HEATR5A: variants seen among roughly 807,000 people sequenced by gnomAD.
HEATR5A encodes HEAT repeat-containing protein 5A.
A neutral mutation model predicts 218.8 loss-of-function variants in HEATR5A; 178 were observed. The ratio of observed to expected loss-of-function variants is 0.81; its 90% CI spans 0.72 to 0.92. HEATR5A has a LOEUF of 0.92. HEATR5A is among the 40% of genes least tolerant of loss of function. The pLI, the probability that HEATR5A is intolerant of heterozygous loss-of-function variation, is 0.00. For synonymous variants in HEATR5A, 864 were observed against 871.6 expected (o/e 0.99, Z 0.15); for missense variants, 2,420 against 2,418.9 (o/e 1.00, Z -0.01).
At chr14:31,315,032 G>C (rs533087314) in intron 27 of HEATR5A, among the ~76,000 whole-genome samples, 6 of 152,188 alleles carry the variant, frequency 3.9e-5, no homozygotes, top group African/African-American at 1.4e-4. Context: ...ACTTAGCTGG[G>C]CGTGGTGATG....
In HEATR5A at chr14:31,302,851, C is replaced by T. The variant is rs932352197; in HGVS notation, c.5240-332G>A. ...TAAAATATATACAACATAAAGTTTA[C>T]CATTTTAACCATTTTTAGTGTACAG... On this transcript the variant is annotated intron_variant, in intron 32 of 35. Coordinates refer to ENST00000543095, the MANE Select transcript of HEATR5A (RefSeq NM_015473.4). The T allele has an allele frequency of 3.8e-5, 9 of 236,634 alleles. No individual in the cohort carries two copies. The South Asian group carries it at 5.1e-4, about 14-fold the overall frequency. 14.7% of individuals were successfully genotyped at this position (236,634 alleles called of 1,614,324 possible). A position where few individuals can be genotyped will look rare whatever the true frequency, so the allele number is the denominator to read the frequency against.
chr14:31,341,759 TTTAA>T (rs1470110508), intron 21 of HEATR5A, among the ~76,000 whole-genome samples: 13 of 152,208 alleles, frequency 8.5e-5, no homozygotes, highest in Admixed American at 6.5e-4. Flanking sequence ...CTCAATAAAC[TTTAA>T]TTAATAAAAA....
At chr14:31,381,020 G>C (rs139815415) in intron 10 of HEATR5A, among the ~76,000 whole-genome samples, 1 of 152,110 alleles carries the variant, frequency 6.6e-6, no homozygotes, top group East Asian at 1.9e-4. Flanking sequence ...AGGCTGAGGC[G>C]GGTGGATCAC....
In HEATR5A at chr14:31,323,797, T is replaced by C. The variant is rs1900179825; in HGVS notation, c.3555A>G (p.Thr1185=). The stretch of plus-strand genomic sequence containing the variant: ...GCATTGTATCCACACAAGTTACAGC[T>C]GTAAAATCTTTTATTAAAGGAGAAC... The part of the protein sequence containing the change: ...KDVLAASADF[T]AVTCVDTMQE... Residue 1185 remains threonine, a synonymous_variant, in exon 24 of 36, where the codon ACA becomes ACG. Transcript: ENST00000543095. 1 of 1,581,538 alleles carries C rather than the reference T, an allele frequency of 6.3e-7. No individual in the cohort carries two copies.
chr14:31,321,355 G>C (rs112853950), intron 25 of HEATR5A, 144 bp downstream of exon 25: 4 of 519,900 alleles, frequency 7.7e-6, no homozygotes, highest in Admixed American at 7.5e-5. Flanking sequence ...CATGCTGCCC[G>C]GTCTTGAACT....
rs571122965 is a variant in HEATR5A, at chr14:31,417,891, T to C, written c.-75+2581A>G. Among the ~76,000 whole-genome samples, 8 of 152,212 alleles carry C rather than the reference T, an allele frequency of 5.3e-5. No individual in the cohort carries two copies. The East Asian group carries it at 1.2e-3, about 22-fold the overall frequency. On this transcript the variant is annotated intron_variant, in intron 1 of 35. Coordinates refer to ENST00000543095, the MANE Select transcript of HEATR5A (RefSeq NM_015473.4). ...TGAGTCCTACAATTACCTGACATTA[T>C]AATGAAAAACCAAGATTAATAAGTA...
In HEATR5A at chr14:31,314,552, G is replaced by A. The variant is rs755603527; in HGVS notation, c.4218+1218C>T. On this transcript the variant is annotated intron_variant, in intron 27 of 35. Coordinates refer to ENST00000543095, the MANE Select transcript of HEATR5A (RefSeq NM_015473.4). ...GATTACAGGTGTGAGCTACCGTGCCGGCCTAATTTATTTATTTTTAAAATT... is the reference window on the plus strand; with the variant it reads ...GATTACAGGTGTGAGCTACCGTGCCAGCCTAATTTATTTATTTTTAAAATT... Among the ~76,000 whole-genome samples the A allele has an allele frequency of 1.8e-4, 28 of 151,966 alleles. 1 individual carries two copies. The highest frequency in any genetic ancestry group is 4.8e-4 in the African/African-American group (20 of 41,448).
chr14:31,349,318 A>G (rs1901130948), intron 18 of HEATR5A, among the ~76,000 whole-genome samples: 1 of 152,016 alleles, frequency 6.6e-6, no homozygotes, highest in Non-Finnish European at 1.5e-5. Context: ...TGGGAGGCGG[A>G]GCTTGCAGTA....
At chr14:31,418,765 A>T (rs1443448618) in intron 1 of HEATR5A, among the ~76,000 whole-genome samples, 1 of 152,248 alleles carries the variant, frequency 6.6e-6, no homozygotes, top group East Asian at 1.9e-4. Context: ...TTTTAAAAAA[A>T]TGCAGATGTC....
chr14:31,328,022 C>T (rs1194733511), intron 22 of HEATR5A, among the ~76,000 whole-genome samples: 4 of 152,176 alleles, frequency 2.6e-5, no homozygotes, highest in African/African-American at 9.6e-5. Context: ...GGCACAATCT[C>T]ACTGCAATCT....
intron 13 of HEATR5A, among the ~76,000 whole-genome samples, chr14:31,369,694 G>A (rs921754824): frequency 7.4e-5 from 11 of 149,506 alleles, no homozygotes; most frequent in South Asian, 2.1e-4. Flanking sequence ...TTGGGAGGCC[G>A]AGGTGGGTTT....
chr14:31,369,284 C>T (rs141901307), intron 13 of HEATR5A, among the ~76,000 whole-genome samples: 1 of 151,928 alleles, frequency 6.6e-6, no homozygotes, highest in East Asian at 1.9e-4. Flanking sequence ...CCACTGCACT[C>T]CAGCCTAGGT....
chr14:31,386,290 A>T, intron 9 of HEATR5A, 130 bp downstream of exon 9: 1 of 676,986 alleles, frequency 1.5e-6, no homozygotes, highest in Non-Finnish European at 2.3e-6. Context: ...AATCCTGATT[A>T]TAAATTTTTC....
chr14:31,349,791 G>T lies in HEATR5A; in HGVS notation c.2706C>A (p.Asp902Glu), dbSNP rs1023711254. Reference sequence around the variant, plus strand: ...TATTAAATAAGAAATTCACTTACTTGTCAAAGCTAACTTGAGCTAATCCAG... The same window carrying T: ...TATTAAATAAGAAATTCACTTACTTTTCAAAGCTAACTTGAGCTAATCCAG... The part of the protein sequence containing the change: ...FTAGLAQVSF[D>E]KLKSARDVVT... Residue 902 changes from aspartate to glutamate, a missense_variant and splice_region_variant, in exon 18 of 36, where the codon GAC becomes GAA. Asp to Glu is a conservative substitution (Grantham distance 45). Transcript: ENST00000543095. 74 of 1,606,550 alleles carry T rather than the reference G, an allele frequency of 4.6e-5. No homozygotes were observed. In the Middle Eastern group the frequency reaches 4.9e-4, roughly 11 times the overall value.
At chr14:31,350,031 T>C (rs1901167033) in intron 17 of HEATR5A, 52 bp from the exon 18 acceptor site, 9 of 1,265,274 alleles carry the variant, frequency 7.1e-6, no homozygotes, top group Non-Finnish European at 9.6e-6. Context: ...AATTCTCATA[T>C]CCAGTTAGGA....
chr14:31,409,088 C>T (rs1046157022), intron 1 of HEATR5A, among the ~76,000 whole-genome samples: 2 of 143,954 alleles, frequency 1.4e-5, no homozygotes, highest in African/African-American at 5.0e-5. Flanking sequence ...TACCCTGTTG[C>T]CCAGGCTGGA....
At chr14:31,333,633 C>T (rs1900551284) in intron 22 of HEATR5A, among the ~76,000 whole-genome samples, 1 of 152,136 alleles carries the variant, frequency 6.6e-6, no homozygotes, top group Admixed American at 6.6e-5. Context: ...AAGCCAATTC[C>T]TAGATTCAAA....
chr14:31,347,687 A>T, intron 19 of HEATR5A, 61 bp downstream of exon 19: 1 of 1,251,494 alleles, frequency 8.0e-7, no homozygotes, highest in Non-Finnish European at 1.1e-6. Context: ...TTCAATATAA[A>T]CACAATCTGC....
intron 1 of HEATR5A, among the ~76,000 whole-genome samples, chr14:31,415,183 C>G (rs1294065855): frequency 6.6e-6 from 1 of 152,114 alleles, no homozygotes; most frequent in Non-Finnish European, 1.5e-5. Context: ...ATTTAGCTAC[C>G]TAACCTAAAA....
Sources: allele counts gnomAD v4.1 joint callset (sites outside exome capture counted in the v4.1 genomes callset), GRCh38; gene constraint gnomAD v4.1.1; transcripts MANE v1.5; gene names NCBI Gene and HGNC (gene_info 2026-07-23, HGNC 2026-07-21).